The following ZCCHC7 variants were observed in gnomAD, a reference collection of about 807,000 sequenced individuals.
The protein encoded by ZCCHC7 is zinc finger CCHC-type containing 7.
Under a neutral mutation model 52.0 loss-of-function variants are expected in ZCCHC7, and 35 were observed. The ratio of observed to expected loss-of-function variants is 0.67; its 90% confidence interval spans 0.51 to 0.89. ZCCHC7 has a LOEUF of 0.89. Ranked by LOEUF, ZCCHC7 falls within the 40% of genes least tolerant of loss-of-function variation. The pLI, the probability that ZCCHC7 is intolerant of heterozygous loss-of-function variation, is 0.00. For synonymous variants in ZCCHC7, 217 were observed against 221.5 expected (o/e 0.98, Z 0.18); for missense variants, 574 against 649.1 (o/e 0.88, Z 1.26).
chr9:37,256,580 AAAT>A (rs1301498702), intron 2 of ZCCHC7, among the ~76,000 whole-genome samples: 6 of 152,196 alleles, frequency 3.9e-5, no homozygotes, highest in African/African-American at 1.2e-4. Flanking sequence ...GAAGCAATAA[AAAT>A]AATTTTATTA....
At chr9:37,308,171 A>G (rs1248796501) in intron 5 of ZCCHC7, among the ~76,000 whole-genome samples, 3 of 152,230 alleles carry the variant, frequency 2.0e-5, no homozygotes, top group Non-Finnish European at 2.9e-5. Context: ...CTATATAGAT[A>G]GAAGTTGTCA....
chr9:37,340,680 T>G (rs1820582552), intron 6 of ZCCHC7, among the ~76,000 whole-genome samples: 1 of 152,182 alleles, frequency 6.6e-6, no homozygotes, highest in African/African-American at 2.4e-5. Flanking sequence ...GAGTCACAAA[T>G]TTATATTTCT....
chr9:37,192,212 C>T (rs1362612431), intron 2 of ZCCHC7, among the ~76,000 whole-genome samples: 1 of 152,188 alleles, frequency 6.6e-6, no homozygotes, highest in Non-Finnish European at 1.5e-5. Flanking sequence ...ACATAGTGGA[C>T]ATGGTTACCT....
intron 2 of ZCCHC7, among the ~76,000 whole-genome samples, chr9:37,128,353 AAG>A (rs1034681109): frequency 9.9e-5 from 15 of 152,218 alleles, no homozygotes; most frequent in African/African-American, 2.9e-4. Flanking sequence ...AGGAAAATGA[AAG>A]CAGAAGTGGG....
chr9:37,205,252 G>T, intron 2 of ZCCHC7: 1 of 347,818 alleles, frequency 2.9e-6, no homozygotes, highest in Non-Finnish European at 5.6e-6. Context: ...TAACATTTGT[G>T]AGGTGTTCCT....
intron 2 of ZCCHC7, among the ~76,000 whole-genome samples, chr9:37,174,394 G>A (rs533134461): frequency 6.6e-6 from 1 of 152,286 alleles, no homozygotes; most frequent in South Asian, 2.1e-4. Flanking sequence ...TGAGTGCAAA[G>A]TATGTTTTTT....
At chr9:37,150,073 C>CT (rs1225256587) in intron 2 of ZCCHC7, among the ~76,000 whole-genome samples, 140 of 152,278 alleles carry the variant, frequency 9.2e-4, no homozygotes, top group Non-Finnish European at 9.9e-4. Context: ...ATGAATGCTC[C>CT]TAAGGAAAGG....
At chr9:37,146,968 T>A (rs1450684576) in intron 2 of ZCCHC7, among the ~76,000 whole-genome samples, 1 of 151,896 alleles carries the variant, frequency 6.6e-6, no homozygotes. Context: ...AACTTAAAGT[T>A]GAATTAATTA....
intron 2 of ZCCHC7, among the ~76,000 whole-genome samples, chr9:37,279,851 A>G (rs931288820): frequency 2.0e-4 from 31 of 151,966 alleles, no homozygotes; most frequent in African/African-American, 7.5e-4. Flanking sequence ...TAGTAGTAAC[A>G]GAGGTAAACA....
At chr9:37,327,652 G>A in intron 5 of ZCCHC7, 147 bp from the exon 6 acceptor site, 1 of 723,378 alleles carries the variant, frequency 1.4e-6, no homozygotes. Flanking sequence ...GTCTAGCCAG[G>A]TTTTTGAAGC....
At chr9:37,194,592 A>G (rs980234521) in intron 2 of ZCCHC7, among the ~76,000 whole-genome samples, 1 of 152,186 alleles carries the variant, frequency 6.6e-6, no homozygotes, top group Non-Finnish European at 1.5e-5. Context: ...CTTAAGCTTA[A>G]GTGATGTATT....
intron 6 of ZCCHC7, among the ~76,000 whole-genome samples, chr9:37,344,066 G>A (rs1820802713): frequency 6.6e-6 from 1 of 152,134 alleles, no homozygotes. Context: ...TAATCCTAGT[G>A]CTTTTGGAGG....
At chr9:37,350,197 C>T (rs1821290834) in intron 7 of ZCCHC7, among the ~76,000 whole-genome samples, 1 of 148,036 alleles carries the variant, frequency 6.8e-6, no homozygotes, top group Non-Finnish European at 1.5e-5. Context: ...GACACGATCT[C>T]AGCTCACTGC....
chr9:37,142,363 A>G (rs948790878), intron 2 of ZCCHC7, among the ~76,000 whole-genome samples: 1 of 151,634 alleles, frequency 6.6e-6, no homozygotes, highest in Non-Finnish European at 1.5e-5. Context: ...GACTTTGGGA[A>G]TTGGGGTAAG....
Position 37,354,650 on chromosome 9 carries a change from G to T in ZCCHC7, c.1084-60G>T, listed in dbSNP as rs1378751352. ...TCTAATTAACATGCTCCAGAATCTT[G>T]CAAAAAGGTTTTTGAACAGTGTGAC... On this transcript the variant is annotated intron_variant, in intron 7 of 8. Coordinates refer to ENST00000336755, the MANE Select transcript of ZCCHC7 (RefSeq NM_032226.3). This position sits in a 1 kb window ranked among gnomAD's most constrained non-coding sequence, Gnocchi z 4.0. 31 of 1,225,752 alleles carry T rather than the reference G, an allele frequency of 2.5e-5. No homozygotes were observed. Among genetic ancestry groups the T allele is most frequent in the Non-Finnish European group, 3.6e-5 (30 of 844,470 alleles). 75.9% of individuals were successfully genotyped at this position (1,225,752 alleles called of 1,614,324 possible).
intron 2 of ZCCHC7, among the ~76,000 whole-genome samples, chr9:37,151,757 A>G (rs1820543972): frequency 6.6e-6 from 1 of 152,122 alleles, no homozygotes; most frequent in South Asian, 2.1e-4. Flanking sequence ...GTGAGCCGAG[A>G]TTGTGCCACT....
chr9:37,175,873 A>G (rs777811806), intron 2 of ZCCHC7, among the ~76,000 whole-genome samples: 6 of 152,214 alleles, frequency 3.9e-5, no homozygotes, highest in Non-Finnish European at 5.9e-5. Context: ...ACATACTAGT[A>G]TTTAAGATTA....
intron 2 of ZCCHC7, among the ~76,000 whole-genome samples, chr9:37,298,665 G>C (rs918853083): frequency 1.3e-5 from 2 of 152,200 alleles, no homozygotes; most frequent in African/African-American, 4.8e-5. Flanking sequence ...ATTTTGGGAT[G>C]ATGGAAATGT....
At chr9:37,193,813 C>T (rs766859796) in intron 2 of ZCCHC7, among the ~76,000 whole-genome samples, 12 of 152,218 alleles carry the variant, frequency 7.9e-5, no homozygotes, top group East Asian at 1.9e-4. Flanking sequence ...AAAATTTGTC[C>T]GCCTTCAGGA....
Sources: allele counts gnomAD v4.1 joint callset (sites outside exome capture counted in the v4.1 genomes callset), GRCh38; gene constraint gnomAD v4.1.1; non-coding constraint Gnocchi (gnomAD v3.1); transcripts MANE v1.5; gene names NCBI Gene and HGNC (gene_info 2026-07-23, HGNC 2026-07-21).